Variants in PHYHIPL observed in about 807,000 individuals in gnomAD.
PHYHIPL encodes the protein phytanoyl-CoA 2-hydroxylase interacting protein like, also known as phytanoyl-CoA hydroxylase-interacting protein-like.
PHYHIPL carries 9 observed loss-of-function variants against 33.4 expected under a neutral mutation model. The ratio of observed to expected loss-of-function variants is 0.27; its 90% CI spans 0.16 to 0.47. PHYHIPL has a LOEUF of 0.47. Ranked by LOEUF, PHYHIPL falls within the 20% of genes least tolerant of loss-of-function variation. The pLI, the probability that PHYHIPL is intolerant of heterozygous loss-of-function variation, is 0.99. For missense variants in PHYHIPL, 365 were observed against 460.7 expected (o/e 0.79, Z 1.90); for synonymous variants, 153 against 154.1 (o/e 0.99, Z 0.05).
upstream of PHYHIPL, among the ~76,000 whole-genome samples, chr10:59,176,021 C>A (rs149414883): frequency 6.6e-6 from 1 of 152,192 alleles, no homozygotes; most frequent in Non-Finnish European, 1.5e-5. Flanking sequence ...ACGTTTGCCC[C>A]GCTTCAGTGT....
chr10:59,236,781 CAG>C, intron 3 of PHYHIPL, 124 bp downstream of exon 3: 1 of 768,990 alleles, frequency 1.3e-6, no homozygotes, highest in Non-Finnish European at 1.9e-6. Flanking sequence ...TTTGCGTTGT[CAG>C]TAGCATTGTG....
chr10:59,186,502 G>GA (rs1317322971), intron 1 of PHYHIPL, among the ~76,000 whole-genome samples: 1 of 152,140 alleles, frequency 6.6e-6, no homozygotes, highest in East Asian at 1.9e-4. Flanking sequence ...ATTCTGTGAA[G>GA]AAAGTCATTG....
chr10:59,189,674 T>C (rs1319740452), intron 1 of PHYHIPL, among the ~76,000 whole-genome samples: 1 of 152,016 alleles, frequency 6.6e-6, no homozygotes, highest in Non-Finnish European at 1.5e-5. Flanking sequence ...ATTTTGAGAA[T>C]CAATATATTT....
chr10:59,179,186 T>C (rs887407990), intron 1 of PHYHIPL, among the ~76,000 whole-genome samples: 1 of 151,892 alleles, frequency 6.6e-6, no homozygotes, highest in Non-Finnish European at 1.5e-5. Flanking sequence ...TAGAACAGCA[T>C]ATGAAATGTT....
At chr10:59,232,502 G>T (rs1298368008) in intron 1 of PHYHIPL, among the ~76,000 whole-genome samples, 2 of 151,808 alleles carry the variant, frequency 1.3e-5, no homozygotes, top group Non-Finnish European at 2.9e-5. Flanking sequence ...AAAGTATTAT[G>T]TTCTGTGAAA....
rs187960349 is a variant in PHYHIPL at position 59,184,803 on chromosome 10, C to T, written c.106+7844C>T. Among the ~76,000 whole-genome samples the T allele has an allele frequency of 3.9e-3, 597 of 151,142 alleles. 8 individuals carry two copies. The highest frequency in any genetic ancestry group is 0.017 in the Admixed American group (255 of 15,138). ...CTTAATGCTATCCCTCCCCCCCTCC[C>T]CCAACCCCACAACAGACCCAGGTGT... is the stretch of plus-strand genomic sequence containing the variant. On this transcript the variant is annotated intron_variant, in intron 1 of 4. Coordinates refer to ENST00000373880, the MANE Select transcript of PHYHIPL (RefSeq NM_032439.4).
chr10:59,229,997 A>G (rs7078087), intron 1 of PHYHIPL, among the ~76,000 whole-genome samples: 150,393 of 152,248 alleles, frequency 0.99, 74,308 homozygotes, highest in Middle Eastern at 1. Context: ...TTACTGATAC[A>G]TAGAAATTCA....
At chr10:59,236,756 T>G in intron 3 of PHYHIPL, 99 bp downstream of exon 3, 1 of 1,045,792 alleles carries the variant, frequency 9.6e-7, no homozygotes, top group South Asian at 2.4e-5. Context: ...GTGATATATG[T>G]GACATTGGTC....
At chr10:59,241,915 C>T (rs1351917716) in intron 4 of PHYHIPL, among the ~76,000 whole-genome samples, 1 of 152,118 alleles carries the variant, frequency 6.6e-6, no homozygotes, top group Non-Finnish European at 1.5e-5. Flanking sequence ...AAAGTATGTT[C>T]CCTTTACCCA....
intron 1 of PHYHIPL, chr10:59,206,680 G>C: frequency 2.1e-6 from 1 of 479,960 alleles, no homozygotes; most frequent in Non-Finnish European, 3.0e-6. Context: ...TTTGTATATT[G>C]GTACATAAGG....
At chr10:59,211,690 A>AAAAG (rs1839450130) in intron 1 of PHYHIPL, among the ~76,000 whole-genome samples, 2 of 143,992 alleles carry the variant, frequency 1.4e-5, no homozygotes, top group Non-Finnish European at 3.0e-5. Flanking sequence ...AAAAAAAAAA[A>AAAAG]GGTATTACAA....
intron 1 of PHYHIPL, among the ~76,000 whole-genome samples, chr10:59,227,975 G>GATATATATATATATATATATAT (rs1554799094): frequency 0.038 from 5,501 of 145,158 alleles, 260 homozygotes; most frequent in African/African-American, 0.099. Flanking sequence ...TGCCTATTGA[G>GATATATATATATATATATATAT]ATATATATAT....
At chr10:59,189,184 T>G (rs544307197) in intron 1 of PHYHIPL, among the ~76,000 whole-genome samples, 17 of 152,078 alleles carry the variant, frequency 1.1e-4, no homozygotes, top group Non-Finnish European at 2.2e-4. Flanking sequence ...TCAAGCTGTC[T>G]GTAAATGACC....
At chr10:59,212,381 G>A (rs982674273) in intron 1 of PHYHIPL, among the ~76,000 whole-genome samples, 3 of 151,864 alleles carry the variant, frequency 2.0e-5, no homozygotes, top group Non-Finnish European at 4.4e-5. Flanking sequence ...TTTAAGTTTG[G>A]CCTAAAGGTT....
chr10:59,232,444 A>AT (rs934814743), intron 1 of PHYHIPL, among the ~76,000 whole-genome samples: 2 of 151,928 alleles, frequency 1.3e-5, no homozygotes, highest in African/African-American at 2.4e-5. Context: ...TAACAGTAAC[A>AT]TTTTTTCTCT....
At chr10:59,182,926 A>G (rs1303246267) in intron 1 of PHYHIPL, among the ~76,000 whole-genome samples, 1 of 152,206 alleles carries the variant, frequency 6.6e-6, no homozygotes, top group Non-Finnish European at 1.5e-5. Context: ...AGAAAAAGAG[A>G]AATAAAATAA....
chr10:59,246,797 C>T lies in PHYHIPL; in HGVS notation c.*1206C>T, dbSNP rs1368636217. On this transcript the variant is annotated 3_prime_UTR_variant, in exon 5 of 5. Coordinates refer to ENST00000373880, the MANE Select transcript of PHYHIPL (RefSeq NM_032439.4). ...CCCAATGAAAAAATAGTTATATCAT[C>T]TTATAGTAAACCAAAAGATTAGCAA... The T allele has an allele frequency of 3.8e-5, 15 of 391,448 alleles. No homozygotes were observed. Among genetic ancestry groups the T allele is most frequent in the Non-Finnish European group, 5.4e-5 (12 of 221,728 alleles). 24.2% of individuals were successfully genotyped at this position (391,448 alleles called of 1,614,324 possible). A position where few individuals can be genotyped will look rare whatever the true frequency, so the allele number is the denominator to read the frequency against.
chr10:59,203,962 G>T (rs1044541498), intron 1 of PHYHIPL, among the ~76,000 whole-genome samples: 14 of 152,044 alleles, frequency 9.2e-5, no homozygotes, highest in Non-Finnish European at 1.9e-4. Flanking sequence ...TCATTTAGAT[G>T]CATGTATAAG....
chr10:59,193,062 T>C (rs1187391149), intron 1 of PHYHIPL, among the ~76,000 whole-genome samples: 1 of 152,134 alleles, frequency 6.6e-6, no homozygotes, highest in Non-Finnish European at 1.5e-5. Context: ...GTGTTCTTCC[T>C]TCATCTTCCA....
Sources: gnomAD v4.1 joint callset for allele counts (sites outside exome capture counted in the v4.1 genomes callset) on GRCh38, gnomAD v4.1.1 for gene constraint, MANE v1.5 for transcripts, NCBI Gene and HGNC (gene_info 2026-07-23, HGNC 2026-07-21) for gene names.